RANBP2: variants seen among roughly 807,000 people sequenced by gnomAD.
RANBP2 encodes E3 SUMO-protein ligase RanBP2.
RANBP2 carries 57 observed loss-of-function variants against 303.6 expected under a neutral mutation model. That is an observed-to-expected ratio of 0.19 (90% CI 0.15 to 0.23). The LOEUF (loss-of-function observed/expected upper bound fraction) is 0.23, where lower values mean the gene tolerates loss of function less well. RANBP2 is among the 10% of genes least tolerant of loss of function. The pLI is 1.00. For synonymous variants in RANBP2, 1,167 were observed against 1,301.5 expected (o/e 0.90, Z 2.23); for missense variants, 3,138 against 3,780.8 (o/e 0.83, Z 4.46).
chr2:109,397,331 G>T, the RANBP2 span, among the ~76,000 whole-genome samples: 4 of 152,182 alleles, frequency 2.6e-5, no homozygotes, highest in Non-Finnish European at 5.9e-5. Context: ...GGGAGAAAGA[G>T]TGGAAACTCA....
At chr2:109,249,058 T>C in the RANBP2 span, among the ~76,000 whole-genome samples, 1 of 152,250 alleles carries the variant, frequency 6.6e-6, no homozygotes, top group Middle Eastern at 3.4e-3. Flanking sequence ...ATTTGTAATT[T>C]TGTGTAGAGA....
At chr2:109,466,872 T>A in the RANBP2 span, among the ~76,000 whole-genome samples, 1 of 152,146 alleles carries the variant, frequency 6.6e-6, no homozygotes, top group African/African-American at 2.4e-5. Context: ...TGTGTGTATA[T>A]GTTTGTGTGT....
chr2:109,584,243 G>A, the RANBP2 span, among the ~76,000 whole-genome samples: 12 of 152,126 alleles, frequency 7.9e-5, no homozygotes, highest in Non-Finnish European at 1.5e-4. Context: ...TCGGGAGGCC[G>A]AGGTGGGTAG....
the RANBP2 span, among the ~76,000 whole-genome samples, chr2:109,053,797 C>T: frequency 3.9e-5 from 6 of 152,180 alleles, no homozygotes; most frequent in Admixed American, 3.3e-4. Flanking sequence ...GCCATTTCTC[C>T]GGCTTGAAGT....
chr2:109,522,355 A>G, the RANBP2 span, among the ~76,000 whole-genome samples: 1 of 150,788 alleles, frequency 6.6e-6, no homozygotes, highest in Non-Finnish European at 1.5e-5. Context: ...GCGATGGCGC[A>G]ATCTCGGCTC....
chr2:109,083,673 T>C, the RANBP2 span, among the ~76,000 whole-genome samples: 19 of 152,156 alleles, frequency 1.2e-4, no homozygotes, highest in Admixed American at 1.2e-3. Context: ...TACTCAGAAG[T>C]GGGACTGCTG....
the RANBP2 span, among the ~76,000 whole-genome samples, chr2:108,997,648 G>C: frequency 6.6e-6 from 1 of 151,734 alleles, no homozygotes; most frequent in African/African-American, 2.4e-5. Context: ...TCCCAGTACT[G>C]TGAGAGGCCG....
chr2:109,006,737 C>T, the RANBP2 span, among the ~76,000 whole-genome samples: 2 of 152,162 alleles, frequency 1.3e-5, no homozygotes, highest in Non-Finnish European at 2.9e-5. Context: ...GGCCCAACAG[C>T]CCTGGCTGGA....
At chr2:109,461,999 G>A in the RANBP2 span, among the ~76,000 whole-genome samples, 1 of 152,044 alleles carries the variant, frequency 6.6e-6, no homozygotes, top group Non-Finnish European at 1.5e-5. Flanking sequence ...TACGAGGGAT[G>A]TCTCAGTGTG....
the RANBP2 span, among the ~76,000 whole-genome samples, chr2:109,414,407 T>A: frequency 6.6e-6 from 1 of 152,110 alleles, no homozygotes. Context: ...TGATTCAGGT[T>A]TCATCTGGTT....
At chr2:108,871,024 TTGAAA>T in the RANBP2 span, among the ~76,000 whole-genome samples, 36 of 152,210 alleles carry the variant, frequency 2.4e-4, no homozygotes, top group African/African-American at 7.9e-4. Context: ...ACTCAAAAAA[TTGAAA>T]TGAACCTCAT....
At chr2:108,747,490 T>C (rs1696604927) in intron 8 of RANBP2, among the ~76,000 whole-genome samples, 1 of 152,262 alleles carries the variant, frequency 6.6e-6, no homozygotes, top group African/African-American at 2.4e-5. Context: ...GTTAGGCTGT[T>C]GGCCAGAGCT....
At chr2:109,325,279 A>T in the RANBP2 span, among the ~76,000 whole-genome samples, 1 of 149,966 alleles carries the variant, frequency 6.7e-6, no homozygotes, top group African/African-American at 2.5e-5. Context: ...GTAGAATCCC[A>T]GGAGTCATTG....
the RANBP2 span, among the ~76,000 whole-genome samples, chr2:109,245,183 T>C: frequency 0.066 from 10,060 of 152,194 alleles, 908 homozygotes; most frequent in African/African-American, 0.21. Flanking sequence ...GCCATGTGGC[T>C]TCTGTGCTCC....
chr2:109,362,265 C>T, the RANBP2 span, among the ~76,000 whole-genome samples: 1 of 152,160 alleles, frequency 6.6e-6, no homozygotes, highest in Non-Finnish European at 1.5e-5. Flanking sequence ...ATTACATCTT[C>T]ATTTTTATTT....
rs756589524 is a variant in RANBP2, at chr2:108,767,400, T to C, written c.6861T>C (p.Ser2287=). ...AGTCTCCTGCCAAGTTGAATCAGAGTGGGACTTCAGTTGGCACTGATGAAG... is the reference window on the plus strand; with the variant it reads ...AGTCTCCTGCCAAGTTGAATCAGAGCGGGACTTCAGTTGGCACTGATGAAG... The part of the protein sequence containing the change: ...PSKSPAKLNQ[S]GTSVGTDEES... Residue 2287 remains serine (S), a synonymous_variant, in exon 20 of 29, where the codon AGT becomes AGC. Coordinates refer to ENST00000283195, the MANE Select transcript of RANBP2 (RefSeq NM_006267.5). 6.2e-7 allele frequency: 1 copy of C among 1,611,874 alleles called. No homozygotes were observed. The highest frequency in any genetic ancestry group is 1.3e-5 in the African/African-American group (1 of 74,906).
At chr2:109,314,188 G>C in the RANBP2 span, among the ~76,000 whole-genome samples, 2 of 152,162 alleles carry the variant, frequency 1.3e-5, no homozygotes, top group Non-Finnish European at 2.9e-5. Flanking sequence ...CAGCGGGTGG[G>C]TGTCCAGAGA....
chr2:109,568,024 T>TA, the RANBP2 span: 1 of 1,364,496 alleles, frequency 7.3e-7, no homozygotes, highest in East Asian at 2.4e-5. Flanking sequence ...TTTTTTTTTT[T>TA]AATCCTGCAG....
chr2:109,141,470 A>G, the RANBP2 span: 1 of 154,726 alleles, frequency 6.5e-6, no homozygotes, highest in East Asian at 1.9e-4. Flanking sequence ...ACCTAGGCAC[A>G]TGCCTGCCTT....
Sources: gnomAD v4.1 joint callset for allele counts (sites outside exome capture counted in the v4.1 genomes callset) on GRCh38, gnomAD v4.1.1 for gene constraint, MANE v1.5 for transcripts, NCBI Gene and HGNC (gene_info 2026-07-23, HGNC 2026-07-21) for gene names.